ORC5: variants seen among roughly 807,000 people sequenced by gnomAD.
ORC5 encodes protein phosphatase 1, regulatory subunit 117.
Under a neutral mutation model 58.8 loss-of-function variants are expected in ORC5, and 39 were observed. The observed-to-expected ratio is 0.66, with a 90% confidence interval of 0.51 to 0.87. ORC5 has a LOEUF of 0.87. Among genes scored for constraint, ORC5 ranks in the 40% least tolerant of loss-of-function variants. ORC5 has a pLI of 0.00. For missense variants in ORC5, 493 were observed against 506.3 expected, an observed-to-expected ratio of 0.97 and a Z score of 0.25; for synonymous variants, 218 against 177.6, an observed-to-expected ratio of 1.23 and a Z score of -1.81.
intron 6 of ORC5, among the ~76,000 whole-genome samples, chr7:104,187,143 C>T (rs1487727880): frequency 6.6e-6 from 1 of 152,168 alleles, no homozygotes; most frequent in Admixed American, 6.5e-5. Context: ...GCTCCTAAGT[C>T]CATCTCACTC....
In ORC5 at chr7:104,150,139, C is replaced by T. The variant is rs752505127; in HGVS notation, c.1149+10933G>A. 7.9e-5 allele frequency among the ~76,000 whole-genome samples: 12 copies of T among 152,210 alleles called. No individual in the cohort carries two copies. The East Asian group carries it at 1.3e-3, about 17-fold the overall frequency. ...GTAAAAACAGTGTGAACCTGTTTCT[C>T]GGCTAATAAACTGTTATTTCTGCCA... On this transcript the variant is annotated intron_variant, in intron 12 of 13. Transcript: ENST00000297431.
chr7:104,208,002 G>C lies in ORC5; in HGVS notation c.-98C>G, dbSNP rs754336517. On this transcript the variant is annotated 5_prime_UTR_variant, in exon 1 of 14. Transcript: ENST00000297431. ...AGTCTGGCGGCCCACGCTCCCGCCG[G>C]AAACCGGACCCGCAGCGTCGTGGGA... 5.9e-6 allele frequency: 7 copies of C among 1,180,404 alleles called. No homozygotes were observed. In the East Asian group the frequency reaches 1.7e-4, roughly 28 times the overall value. The allele number at this position is 1,180,404 out of a possible 1,614,324, so 73.1% of individuals were successfully genotyped here. A position where few individuals can be genotyped will look rare whatever the true frequency, so the allele number is the denominator to read the frequency against.
At position 104,207,975 on chromosome 7, in the gene ORC5, C is replaced by A. The variant is rs745339731; in HGVS notation, c.-71G>T. 1 of 1,423,216 alleles carries A rather than the reference C, an allele frequency of 7.0e-7. No individual in the cohort carries two copies. The highest frequency in any genetic ancestry group is 1.4e-5 in the African/African-American group (1 of 70,206). The allele number at this position is 1,423,216 out of a possible 1,614,324, so 88.2% of individuals were successfully genotyped here. Reference sequence around the variant, plus strand: ...CCCTTGCACAAGACGGAGCCTCTCCCGAGTCTGGCGGCCCACGCTCCCGCC... The same window carrying A: ...CCCTTGCACAAGACGGAGCCTCTCCAGAGTCTGGCGGCCCACGCTCCCGCC... On this transcript the variant is annotated 5_prime_UTR_variant, in exon 1 of 14. Transcript: ENST00000297431.
intron 12 of ORC5, among the ~76,000 whole-genome samples, chr7:104,143,004 T>C (rs559564308): frequency 3.3e-5 from 5 of 152,334 alleles, no homozygotes; most frequent in African/African-American, 9.6e-5. Context: ...AGATATGTAG[T>C]GAAGAGTGAA....
At chr7:104,144,944 TCA>T (rs1251678110) in intron 12 of ORC5, among the ~76,000 whole-genome samples, 5 of 152,172 alleles carry the variant, frequency 3.3e-5, no homozygotes, top group South Asian at 2.1e-4. Context: ...TCGTGGTGTC[TCA>T]GTTTCACATG....
chr7:104,165,185 A>G, intron 11 of ORC5, 50 bp downstream of exon 11: 1 of 914,534 alleles, frequency 1.1e-6, no homozygotes. Flanking sequence ...TATTTCCTAT[A>G]TTATCTTCAT....
At chr7:104,182,040 A>G (rs566308723) in intron 8 of ORC5, among the ~76,000 whole-genome samples, 56 of 152,164 alleles carry the variant, frequency 3.7e-4, no homozygotes, top group Non-Finnish European at 7.2e-4. Flanking sequence ...TATGCATTGT[A>G]TTTGAGTTTT....
At chr7:104,199,363 G>A (rs1393185161) in intron 3 of ORC5, among the ~76,000 whole-genome samples, 1 of 152,252 alleles carries the variant, frequency 6.6e-6, no homozygotes. Context: ...ACAAGGCCAT[G>A]GGAGCCCACT....
rs1798545036 is a variant in ORC5 at position 104,133,546 on chromosome 7, TGGAAATGTA to T, written c.1262+3226_1262+3234del. On this transcript the variant is annotated intron_variant, in intron 13 of 13. Transcript: ENST00000297431. This position sits in a 1 kb window ranked among gnomAD's most constrained non-coding sequence, Gnocchi z 4.7. ...AGGTTAGAATTCCTAAGTTCAGTTT[TGGAAATGTA>T]TTAATATAGCTGGGAAACAGCAATA... Among the ~76,000 whole-genome samples the T allele has an allele frequency of 1.3e-5, 2 of 152,120 alleles. No homozygotes were observed. Among genetic ancestry groups the T allele is most frequent in the African/African-American group, 4.8e-5 (2 of 41,380 alleles).
chr7:104,143,076 G>A (rs1421615701), intron 12 of ORC5, among the ~76,000 whole-genome samples: 5 of 152,070 alleles, frequency 3.3e-5, no homozygotes, highest in African/African-American at 4.8e-5. Context: ...TAAGGGATTC[G>A]TTTGCTAAAA....
rs191173912 is a variant in ORC5, at chr7:104,204,217, A to G, written c.90T>C (p.Phe30=). The G allele has an allele frequency of 3.8e-6, 6 of 1,598,100 alleles. No homozygotes were observed. The African/African-American group carries it at 4.0e-5, about 11-fold the overall frequency. Residue 30 remains phenylalanine, a synonymous_variant, in exon 2 of 14, where the codon TTT becomes TTC. Coordinates refer to ENST00000297431, the MANE Select transcript of ORC5 (RefSeq NM_002553.4). ...SLFGERHHFS[F]PSIFIYGHTA... ...TATGTCCATAAATAAAAATGGATGG[A>G]AAGCTGAAATGATGTCTCTAACGAG...
At chr7:104,149,884 C>A (rs988170439) in intron 12 of ORC5, among the ~76,000 whole-genome samples, 2 of 152,112 alleles carry the variant, frequency 1.3e-5, no homozygotes, top group Admixed American at 6.5e-5. Flanking sequence ...AATAAAAAAA[C>A]AAAAATCTCT....
intron 3 of ORC5, 30 bp from the exon 4 acceptor site, chr7:104,197,829 G>A (rs1562829624): frequency 4.3e-6 from 6 of 1,380,292 alleles, no homozygotes; most frequent in South Asian, 1.3e-5. Context: ...AAAACAAAAA[G>A]AAATGCATTT....
At chr7:104,139,463 T>C (rs1187429003) in intron 12 of ORC5, among the ~76,000 whole-genome samples, 1 of 152,146 alleles carries the variant, frequency 6.6e-6, no homozygotes, top group Non-Finnish European at 1.5e-5. Context: ...ACATTTCCCA[T>C]TACCATTTTA....
intron 12 of ORC5, among the ~76,000 whole-genome samples, chr7:104,141,562 C>T (rs947687600): frequency 2.0e-5 from 3 of 152,134 alleles, no homozygotes; most frequent in Non-Finnish European, 4.4e-5. Flanking sequence ...TTCAGCCACA[C>T]AGGGATGTTC....
intron 8 of ORC5, among the ~76,000 whole-genome samples, chr7:104,171,880 A>G (rs1044515075): frequency 3.3e-5 from 5 of 151,962 alleles, no homozygotes; most frequent in African/African-American, 1.2e-4. Flanking sequence ...CAAAAAACAA[A>G]ATGTCACTTT....
chr7:104,167,679 C>T (rs542875007), intron 9 of ORC5, among the ~76,000 whole-genome samples: 6 of 152,190 alleles, frequency 3.9e-5, no homozygotes, highest in Admixed American at 3.9e-4. Context: ...ATGTGTCAGA[C>T]ACTGTGTTAG....
At chr7:104,164,559 A>C (rs1799076440) in intron 11 of ORC5, among the ~76,000 whole-genome samples, 1 of 152,230 alleles carries the variant, frequency 6.6e-6, no homozygotes, top group Non-Finnish European at 1.5e-5. Context: ...GAATAAGGGA[A>C]ACAAAACTTG....
chr7:104,155,097 G>C (rs1224384546), intron 12 of ORC5, among the ~76,000 whole-genome samples: 1 of 151,732 alleles, frequency 6.6e-6, no homozygotes, highest in African/African-American at 2.4e-5. Flanking sequence ...TGAGTAGTAA[G>C]GTTGTCTAAA....
Sources: allele counts gnomAD v4.1 joint callset (sites outside exome capture counted in the v4.1 genomes callset), GRCh38; gene constraint gnomAD v4.1.1; non-coding constraint Gnocchi (gnomAD v3.1); transcripts MANE v1.5; gene names NCBI Gene and HGNC (gene_info 2026-07-23, HGNC 2026-07-21).